Variants in RNF130 observed in about 807,000 individuals in gnomAD.
RNF130 encodes the protein E3 ubiquitin-protein ligase RNF130.
A neutral mutation model predicts 44.6 loss-of-function variants in RNF130; 21 were observed. The ratio of observed to expected loss-of-function variants is 0.47; its 90% CI spans 0.33 to 0.68. RNF130 has a LOEUF of 0.68. Ranked by LOEUF, RNF130 falls within the 30% of genes least tolerant of loss-of-function variation. The pLI is 0.02. For synonymous variants in RNF130, 214 were observed against 210.4 expected (o/e 1.02, Z -0.15); for missense variants, 479 against 560.6 (o/e 0.85, Z 1.47).
At chr5:179,971,186 A>G (rs1762574486) in intron 5 of RNF130, among the ~76,000 whole-genome samples, 1 of 152,120 alleles carries the variant, frequency 6.6e-6, no homozygotes, top group Non-Finnish European at 1.5e-5. Flanking sequence ...GCATTCTTAA[A>G]AAAAGGAACT....
chr5:180,060,311 G>C (rs1000941089), intron 1 of RNF130, among the ~76,000 whole-genome samples: 3 of 152,236 alleles, frequency 2.0e-5, no homozygotes, highest in Non-Finnish European at 2.9e-5. Flanking sequence ...CCAAGGCTAA[G>C]CCATGAAAGA....
chr5:179,987,367 C>A (rs958977355), intron 3 of RNF130, among the ~76,000 whole-genome samples: 2 of 152,166 alleles, frequency 1.3e-5, no homozygotes, highest in African/African-American at 4.8e-5. Context: ...AGGGGTCTCC[C>A]CACATTGCCC....
intron 1 of RNF130, among the ~76,000 whole-genome samples, chr5:180,051,837 G>A (rs1764693831): frequency 6.6e-6 from 1 of 152,132 alleles, no homozygotes; most frequent in Admixed American, 6.5e-5. Context: ...TGCATGAAAA[G>A]TCAATTTCAA....
chr5:180,066,042 C>T (rs181966975), intron 1 of RNF130, among the ~76,000 whole-genome samples: 56 of 152,292 alleles, frequency 3.7e-4, no homozygotes, highest in Non-Finnish European at 7.2e-4. Flanking sequence ...TTAATGTTTT[C>T]ACTGCTGCAT....
rs976533146 is a variant in RNF130 at position 179,932,553 on chromosome 5, C to T, written c.1151-12127G>A. 2.0e-5 allele frequency among the ~76,000 whole-genome samples: 3 copies of T among 152,182 alleles called. No individual in the cohort carries two copies. In the East Asian group the frequency reaches 5.8e-4, roughly 30 times the overall value. On this transcript the variant is annotated intron_variant, in intron 7 of 7. Coordinates refer to the RNF130 transcript ENST00000522208. ...GGGATTACAAGTGTGAGCCACCACG[C>T]CCGGCCTTAGCTAATATTTTCTTAA...
chr5:179,945,840 A>T (rs1176361385), intron 7 of RNF130, among the ~76,000 whole-genome samples: 1 of 148,242 alleles, frequency 6.7e-6, no homozygotes, highest in Non-Finnish European at 1.5e-5. Flanking sequence ...ATGGGATTCC[A>T]GCCCGAAGAG....
intron 3 of RNF130, among the ~76,000 whole-genome samples, chr5:179,981,596 C>T (rs1762842786): frequency 1.3e-5 from 2 of 152,310 alleles, no homozygotes; most frequent in African/African-American, 4.8e-5. Flanking sequence ...ATATGGCAAG[C>T]ATCACATAAT....
intron 1 of RNF130, among the ~76,000 whole-genome samples, chr5:180,070,011 A>T (rs1765208317): frequency 6.6e-6 from 1 of 152,162 alleles, no homozygotes; most frequent in Non-Finnish European, 1.5e-5. Context: ...CCAAGCCTCA[A>T]AGACAAACCA....
At chr5:179,930,653 TATA>T (rs926513260) in intron 7 of RNF130, among the ~76,000 whole-genome samples, 3 of 152,222 alleles carry the variant, frequency 2.0e-5, no homozygotes, top group African/African-American at 7.2e-5. Context: ...CACTGATAAG[TATA>T]ATGTTTGCTG....
intron 1 of RNF130, among the ~76,000 whole-genome samples, chr5:180,051,559 G>A (rs189064647): frequency 6.6e-6 from 1 of 152,238 alleles, no homozygotes; most frequent in East Asian, 1.9e-4. Context: ...TTTTTAAGAA[G>A]GTGGCAGCAA....
At chr5:180,055,126 T>A (rs574291471) in intron 1 of RNF130, among the ~76,000 whole-genome samples, 1 of 151,654 alleles carries the variant, frequency 6.6e-6, no homozygotes, top group Non-Finnish European at 1.5e-5. Flanking sequence ...GCAGATCTCA[T>A]GAGGCCAGGA....
intron 2 of RNF130, among the ~76,000 whole-genome samples, chr5:180,027,179 T>C (rs1396590886): frequency 1.3e-5 from 2 of 152,134 alleles, no homozygotes; most frequent in Non-Finnish European, 2.9e-5. Flanking sequence ...GGTCCATCCC[T>C]TGAGACTGTC....
chr5:179,980,952 T>C (rs2113719104), intron 3 of RNF130, among the ~76,000 whole-genome samples: 1 of 151,758 alleles, frequency 6.6e-6, no homozygotes, highest in Admixed American at 6.6e-5. Context: ...TACTCAAGCA[T>C]GCCCAGGGCC....
chr5:180,055,457 T>TGTGTGC (rs1561709848), intron 1 of RNF130, among the ~76,000 whole-genome samples: 1 of 151,290 alleles, frequency 6.6e-6, no homozygotes, highest in Non-Finnish European at 1.5e-5. Context: ...TGTGTGCGTG[T>TGTGTGC]GTGTGTGTGT....
intron 2 of RNF130, among the ~76,000 whole-genome samples, chr5:180,034,844 C>T (rs1278184863): frequency 6.6e-6 from 1 of 152,166 alleles, no homozygotes; most frequent in African/African-American, 2.4e-5. Context: ...ACATAGTTAC[C>T]ATAAAGTTCT....
chr5:179,920,526 T>C, intron 7 of RNF130: 1 of 637,372 alleles, frequency 1.6e-6, no homozygotes, highest in South Asian at 1.7e-5. Context: ...AAGCATGACA[T>C]TTTCTTAACT....
At chr5:180,050,300 G>A (rs1422274593) in intron 1 of RNF130, among the ~76,000 whole-genome samples, 3 of 152,154 alleles carry the variant, frequency 2.0e-5, no homozygotes, top group Non-Finnish European at 4.4e-5. Flanking sequence ...AGCAGGCTCC[G>A]CGCCCACAAG....
intron 2 of RNF130, among the ~76,000 whole-genome samples, chr5:180,015,756 T>TAGGGAAAGGAGG (rs1763713184): frequency 2.4e-5 from 3 of 124,950 alleles, no homozygotes; most frequent in Non-Finnish European, 3.4e-5. Flanking sequence ...AGGAAAGGAG[T>TAGGGAAAGGAGG]AGGGAAAGGA....
At chr5:180,045,937 C>A (rs1364003684) in intron 1 of RNF130, among the ~76,000 whole-genome samples, 3 of 152,236 alleles carry the variant, frequency 2.0e-5, no homozygotes, top group African/African-American at 7.2e-5. Context: ...CCTAGTGGAT[C>A]CCGTGCGGCA....
Sources: gnomAD v4.1 joint callset for allele counts (sites outside exome capture counted in the v4.1 genomes callset) on GRCh38, gnomAD v4.1.1 for gene constraint, MANE v1.5 for transcripts, NCBI Gene and HGNC (gene_info 2026-07-23, HGNC 2026-07-21) for gene names.